The following FAM135A variants were observed in gnomAD, a reference collection of about 807,000 sequenced individuals.
FAM135A encodes protein FAM135A.
Under a neutral mutation model 146.8 loss-of-function variants are expected in FAM135A, and 79 were observed. The observed-to-expected ratio is 0.54, with a 90% CI of 0.45 to 0.65. The LOEUF (loss-of-function observed/expected upper bound fraction) is 0.65, where lower values mean the gene tolerates loss of function less well. FAM135A is among the 30% of genes least tolerant of loss of function. FAM135A has a pLI of 0.00. For synonymous variants in FAM135A, 562 were observed against 603.6 expected (o/e 0.93, Z 1.01); for missense variants, 1,623 against 1,758.2 (o/e 0.92, Z 1.38).
chr6:70,561,154 T>TA lies in FAM135A; in HGVS notation c.*1234dup, dbSNP rs1446429942. On this transcript the variant is annotated 3_prime_UTR_variant, in exon 22 of 22. Coordinates refer to ENST00000418814, the MANE Select transcript of FAM135A (RefSeq NM_001162529.3). ...TGGTGTTAATAAATGAACAAATGGC[T>TA]ATCTGGAGGAACAGCTACAACCCTT... 6.6e-6 allele frequency: 1 copy of TA among 152,398 alleles called. No homozygotes were observed. Among genetic ancestry groups the TA allele is most frequent in the African/African-American group, 2.4e-5 (1 of 41,462 alleles). The allele number at this position is 152,398 out of a possible 1,614,324, so 9.4% of individuals were successfully genotyped here.
At chr6:70,551,789 G>C (rs946274889) in intron 20 of FAM135A, among the ~76,000 whole-genome samples, 6 of 152,166 alleles carry the variant, frequency 3.9e-5, no homozygotes, top group African/African-American at 1.4e-4. Context: ...TCAGAGCATA[G>C]TCCATAAGTT....
In FAM135A at chr6:70,538,084, A is replaced by G. The variant is rs188723146; in HGVS notation, c.4118-207A>G. Among the ~76,000 whole-genome samples, 569 of 152,328 alleles carry G rather than the reference A, an allele frequency of 3.7e-3. 6 individuals are homozygous for G. The highest frequency in any genetic ancestry group is 0.013 in the African/African-American group (548 of 41,582). The stretch of plus-strand genomic sequence containing the variant: ...AATAGCAAGCTGTCCATCAACCACC[A>G]TTAATTCATAATTAACCTAAGCATG... On this transcript the variant is annotated intron_variant, in intron 19 of 21. Coordinates refer to ENST00000418814, the MANE Select transcript of FAM135A (RefSeq NM_001162529.3).
In FAM135A at chr6:70,431,662, T is replaced by C. The variant is rs1286849795; in HGVS notation, c.77+3243T>C. 2.0e-5 allele frequency among the ~76,000 whole-genome samples: 3 copies of C among 152,176 alleles called. No homozygotes were observed. In the East Asian group the frequency reaches 5.8e-4, roughly 29 times the overall value. On this transcript the variant is annotated intron_variant, in intron 4 of 21. Transcript: ENST00000418814. ...GGTCTGAATATAAGGAAGAGCAAAA[T>C]ATAGGTGACATTTTTAAAATCAATC...
chr6:70,437,088 C>T (rs930645757), intron 4 of FAM135A, among the ~76,000 whole-genome samples: 5 of 152,034 alleles, frequency 3.3e-5, no homozygotes, highest in African/African-American at 1.2e-4. Flanking sequence ...ATATATAATA[C>T]TGTGTTTCTA....
At chr6:70,427,590 C>T (rs1238424321) in intron 3 of FAM135A, among the ~76,000 whole-genome samples, 1 of 151,448 alleles carries the variant, frequency 6.6e-6, no homozygotes, top group Non-Finnish European at 1.5e-5. Context: ...TATATGTTCA[C>T]TGAATAATTA....
chr6:70,414,282 T>G (rs1183064885), intron 1 of FAM135A, among the ~76,000 whole-genome samples: 2 of 152,204 alleles, frequency 1.3e-5, no homozygotes, highest in Non-Finnish European at 2.9e-5. Context: ...TTTCGGTACT[T>G]CCTCCTGGTT....
intron 2 of FAM135A, among the ~76,000 whole-genome samples, chr6:70,425,869 C>T (rs574165995): frequency 6.6e-6 from 1 of 151,238 alleles, no homozygotes; most frequent in Non-Finnish European, 1.5e-5. Flanking sequence ...TTTGGGAGGC[C>T]GAGGCGGGTG....
At chr6:70,517,754 A>G (rs1792625027) in intron 12 of FAM135A, among the ~76,000 whole-genome samples, 1 of 151,834 alleles carries the variant, frequency 6.6e-6, no homozygotes, top group African/African-American at 2.4e-5. Flanking sequence ...TTTTTTCTTT[A>G]AATATTCTAA....
intron 20 of FAM135A, among the ~76,000 whole-genome samples, chr6:70,556,441 C>CATGGAATACTTTCTA (rs1800841757): frequency 6.6e-6 from 1 of 152,110 alleles, no homozygotes; most frequent in Non-Finnish European, 1.5e-5. Flanking sequence ...GTAAGAATGT[C>CATGGAATACTTTCTA]ATGGAATACT....
At chr6:70,553,714 A>C (rs1800291090) in intron 20 of FAM135A, among the ~76,000 whole-genome samples, 1 of 152,188 alleles carries the variant, frequency 6.6e-6, no homozygotes, top group Non-Finnish European at 1.5e-5. Flanking sequence ...GCAGATATAA[A>C]TTTAAAATTC....
At chr6:70,447,513 A>G (rs1776032835) in intron 4 of FAM135A, among the ~76,000 whole-genome samples, 1 of 152,196 alleles carries the variant, frequency 6.6e-6, no homozygotes, top group South Asian at 2.1e-4. Flanking sequence ...GACCTTTTGC[A>G]GGGGTTCCTC....
intron 2 of FAM135A, among the ~76,000 whole-genome samples, chr6:70,417,318 A>T (rs1246327653): frequency 2.0e-5 from 3 of 150,726 alleles, no homozygotes; most frequent in Non-Finnish European, 4.4e-5. Context: ...GATTCAAGCG[A>T]TTCATGTGCC....
chr6:70,495,117 A>G (rs1038367369), intron 11 of FAM135A, among the ~76,000 whole-genome samples: 5 of 152,186 alleles, frequency 3.3e-5, no homozygotes. Flanking sequence ...GGAAAAAAAC[A>G]CAGCAGGAAA....
Position 70,435,297 on chromosome 6 carries a change from G to A in FAM135A, c.77+6878G>A, listed in dbSNP as rs568593625. ...TTGTTATGTTTTTAGTAGAGGTGGC[G>A]TTTTGCCCTGTTGGCCAGGCTGGTC... is the stretch of plus-strand genomic sequence containing the variant. On this transcript the variant is annotated intron_variant, in intron 4 of 21. Coordinates refer to ENST00000418814, the MANE Select transcript of FAM135A (RefSeq NM_001162529.3). 1.1e-4 allele frequency among the ~76,000 whole-genome samples: 17 copies of A among 151,634 alleles called. No individual in the cohort carries two copies. In the East Asian group the frequency reaches 1.6e-3, roughly 14 times the overall value.
At chr6:70,527,097 C>G (rs1794913227) in intron 15 of FAM135A, among the ~76,000 whole-genome samples, 1 of 151,912 alleles carries the variant, frequency 6.6e-6, no homozygotes, top group South Asian at 2.1e-4. Flanking sequence ...AACTTCCAGA[C>G]AAAAGCCAAG....
At position 70,497,484 on chromosome 6, in the gene FAM135A, T is replaced by G. The variant is rs1015439295; in HGVS notation, c.874-5152T>G. Among the ~76,000 whole-genome samples the G allele has an allele frequency of 2.6e-5, 4 of 152,232 alleles. No homozygotes were observed. In the South Asian group the frequency reaches 6.2e-4, roughly 24 times the overall value. ...TCCTCTCTTCCTATTTGAATACGTT[T>G]TATTTCTTTCTCTTGCCAGATTGCC... On this transcript the variant is annotated intron_variant, in intron 11 of 21. Transcript: ENST00000418814.
intron 5 of FAM135A, among the ~76,000 whole-genome samples, chr6:70,461,107 G>A (rs1386938650): frequency 2.6e-5 from 4 of 152,106 alleles, no homozygotes; most frequent in African/African-American, 7.2e-5. Context: ...ACAGGTGTAA[G>A]CCACCGTGCC....
chr6:70,553,782 A>G (rs78249098), intron 20 of FAM135A, among the ~76,000 whole-genome samples: 1 of 152,176 alleles, frequency 6.6e-6, no homozygotes, highest in East Asian at 1.9e-4. Flanking sequence ...TAAAACTCTC[A>G]GGAAAGAAAT....
At chr6:70,417,593 T>C (rs919754424) in intron 2 of FAM135A, 1 of 984,154 alleles carries the variant, frequency 1.0e-6, no homozygotes, top group African/African-American at 1.7e-5. Flanking sequence ...AGAATAAGTA[T>C]TCCTTTATTG....
Sources: allele counts gnomAD v4.1 joint callset (sites outside exome capture counted in the v4.1 genomes callset), GRCh38; gene constraint gnomAD v4.1.1; transcripts MANE v1.5; gene names NCBI Gene and HGNC (gene_info 2026-07-23, HGNC 2026-07-21).